STAC: variants seen among roughly 807,000 people sequenced by gnomAD.
STAC encodes SH3 and cysteine rich domain.
STAC carries 43 observed loss-of-function variants against 48.8 expected under a neutral mutation model. The observed-to-expected ratio is 0.88, with a 90% CI of 0.69 to 1.14. The LOEUF (loss-of-function observed/expected upper bound fraction) is 1.14, where lower values mean the gene tolerates loss of function less well. Among genes scored for constraint, STAC ranks in the 50% most tolerant of loss-of-function variants. STAC has a pLI of 0.00. For synonymous variants in STAC, 193 were observed against 179.5 expected (o/e 1.07, Z -0.60); for missense variants, 497 against 504.0 (o/e 0.99, Z 0.13).
chr3:36,523,137 T>A (rs1698846650), intron 8 of STAC, among the ~76,000 whole-genome samples: 1 of 152,200 alleles, frequency 6.6e-6, no homozygotes, highest in Admixed American at 6.5e-5. Flanking sequence ...ACACACACAC[T>A]CAAAATTAAA....
chr3:36,506,837 G>A (rs1698414634), intron 8 of STAC, among the ~76,000 whole-genome samples: 2 of 152,090 alleles, frequency 1.3e-5, no homozygotes, highest in African/African-American at 2.4e-5. Flanking sequence ...AAGATGATGG[G>A]GTTTTCTAAA....
chr3:36,528,700 G>A lies in STAC; in HGVS notation c.925G>A (p.Gly309Arg), dbSNP rs1400950052. The A allele has an allele frequency of 1.3e-6, 2 of 1,598,080 alleles. No individual in the cohort carries two copies. Among genetic ancestry groups the A allele is most frequent in the Admixed American group, 1.7e-5 (1 of 58,422 alleles). ...CTCATTCATTCTTCATTTTAGGCCA[G>A]GAGACATAATTACTCTTTTAGAGGA... is the stretch of plus-strand genomic sequence containing the variant. ...QENEDLEMRP[G>R]DIITLLEDSN... Residue 309 changes from glycine (G) to arginine (R), a missense_variant, in exon 9 of 11, where the codon GGA (glycine) becomes AGA (arginine). Physicochemically the swap from Gly to Arg is moderately radical, Grantham distance 125. Coordinates refer to ENST00000273183, the MANE Select transcript of STAC (RefSeq NM_003149.3).
chr3:36,505,667 C>T (rs1032209940), intron 7 of STAC, 79 bp from the exon 8 acceptor site: 2 of 930,978 alleles, frequency 2.1e-6, no homozygotes, highest in Non-Finnish European at 1.7e-6. Context: ...AATGACTTCT[C>T]CATTTCCTGT....
intron 1 of STAC, among the ~76,000 whole-genome samples, chr3:36,385,289 C>T (rs1002769733): frequency 6.6e-6 from 1 of 152,062 alleles, no homozygotes; most frequent in African/African-American, 2.4e-5. Context: ...TCAGCAGTCC[C>T]TTCTGATTTC....
chr3:36,524,430 A>C (rs969824139), intron 8 of STAC, among the ~76,000 whole-genome samples: 1 of 152,016 alleles, frequency 6.6e-6, no homozygotes, highest in Non-Finnish European at 1.5e-5. Context: ...TGTCTCTACT[A>C]AAAATACAAA....
intron 6 of STAC, among the ~76,000 whole-genome samples, chr3:36,502,153 G>T (rs530724287): frequency 1.7e-4 from 26 of 152,214 alleles, no homozygotes; most frequent in African/African-American, 6.0e-4. Flanking sequence ...AAGTTCTTTG[G>T]GGATGTGGTA....
chr3:36,536,843 A>T (rs949767068), intron 10 of STAC, among the ~76,000 whole-genome samples: 6 of 151,884 alleles, frequency 4.0e-5, no homozygotes, highest in Admixed American at 2.6e-4. Context: ...AAAACAAGAA[A>T]ACAAAAAACA....
chr3:36,385,202 C>T (rs1699590982), intron 1 of STAC, among the ~76,000 whole-genome samples: 1 of 152,062 alleles, frequency 6.6e-6, no homozygotes, highest in East Asian at 1.9e-4. Context: ...CGTAGTCTTC[C>T]TATACTTTTA....
intron 8 of STAC, among the ~76,000 whole-genome samples, chr3:36,521,515 C>G (rs1698804918): frequency 6.6e-6 from 1 of 152,128 alleles, no homozygotes; most frequent in Non-Finnish European, 1.5e-5. Context: ...GGCCCTGATA[C>G]ACCTTTGTGG....
At chr3:36,512,783 C>CTTTTTTTTTTTTTTTTTTTTT (rs901936471) in intron 8 of STAC, among the ~76,000 whole-genome samples, 1 of 151,916 alleles carries the variant, frequency 6.6e-6, no homozygotes, top group African/African-American at 2.4e-5. Flanking sequence ...ATCACACATA[C>CTTTTTTTTTTTTTTTTTTTTT]TTTTTTTTAT....
At chr3:36,421,131 T>C (rs1700439106) in intron 1 of STAC, among the ~76,000 whole-genome samples, 1 of 152,176 alleles carries the variant, frequency 6.6e-6, no homozygotes, top group Admixed American at 6.5e-5. Context: ...TCCTCTCTGA[T>C]TCTGGAAGTA....
chr3:36,412,525 GA>G (rs568222217), intron 1 of STAC, among the ~76,000 whole-genome samples: 3 of 151,804 alleles, frequency 2.0e-5, no homozygotes, highest in South Asian at 4.1e-4. Context: ...CCTTTCGGGG[GA>G]AAAAAAGACT....
intron 8 of STAC, among the ~76,000 whole-genome samples, chr3:36,522,044 C>T (rs1698821019): frequency 6.6e-6 from 1 of 151,940 alleles, no homozygotes; most frequent in Non-Finnish European, 1.5e-5. Context: ...CCCATGATTG[C>T]ACCATTGCAC....
intron 1 of STAC, among the ~76,000 whole-genome samples, chr3:36,426,315 T>C (rs942711228): frequency 6.6e-6 from 1 of 152,244 alleles, no homozygotes; most frequent in African/African-American, 2.4e-5. Flanking sequence ...TCTTGCTAGA[T>C]AGATTATAAA....
At chr3:36,409,913 A>G (rs1360155591) in intron 1 of STAC, among the ~76,000 whole-genome samples, 1 of 152,164 alleles carries the variant, frequency 6.6e-6, no homozygotes, top group African/African-American at 2.4e-5. Flanking sequence ...TGCTTGGAAT[A>G]GGTTAGCAGT....
intron 2 of STAC, among the ~76,000 whole-genome samples, chr3:36,451,127 A>AT (rs1435815589): frequency 1.3e-5 from 2 of 151,346 alleles, no homozygotes; most frequent in Non-Finnish European, 2.9e-5. Context: ...GTTTCCTTCC[A>AT]TTTTGTGTGT....
intron 1 of STAC, among the ~76,000 whole-genome samples, chr3:36,404,251 T>A (rs1007498683): frequency 3.4e-4 from 52 of 152,208 alleles, no homozygotes; most frequent in African/African-American, 1.1e-3. Flanking sequence ...TCAAGTTGAT[T>A]CCAATCATAT....
At chr3:36,437,209 T>A (rs2125659240) in intron 1 of STAC, among the ~76,000 whole-genome samples, 1 of 150,402 alleles carries the variant, frequency 6.6e-6, no homozygotes, top group African/African-American at 2.4e-5. Context: ...ATTGTGGAAG[T>A]CAGTGTGGCG....
chr3:36,454,902 T>C (rs1696808389), intron 2 of STAC, among the ~76,000 whole-genome samples: 1 of 152,182 alleles, frequency 6.6e-6, no homozygotes, highest in Admixed American at 6.5e-5. Flanking sequence ...TGTTTGCAAG[T>C]GCTTTGGTGA....
Sources: allele counts gnomAD v4.1 joint callset (sites outside exome capture counted in the v4.1 genomes callset), GRCh38; gene constraint gnomAD v4.1.1; transcripts MANE v1.5; gene names NCBI Gene and HGNC (gene_info 2026-07-23, HGNC 2026-07-21).